The following STRN variants were observed in gnomAD, a reference collection of about 807,000 sequenced individuals.
STRN encodes striatin.
Under a neutral mutation model 96.3 loss-of-function variants are expected in STRN, and 53 were observed. The observed-to-expected ratio is 0.55, with a 90% CI of 0.44 to 0.69. STRN has a LOEUF of 0.69. Among genes scored for constraint, STRN ranks in the 30% least tolerant of loss-of-function variants. The pLI is 0.00. For missense variants in STRN, 987 were observed against 963.9 expected (o/e 1.02, Z -0.32); for synonymous variants, 428 against 355.9 (o/e 1.20, Z -2.28).
chr2:36,916,246 GAAC>G, intron 2 of STRN, 95 bp from the exon 3 acceptor site: 1 of 1,041,604 alleles, frequency 9.6e-7, no homozygotes, highest in South Asian at 1.4e-5. Flanking sequence ...AGTCCTGGCT[GAAC>G]ACTCCTAGAA....
chr2:36,894,168 C>T, intron 6 of STRN, 135 bp from the exon 7 acceptor site: 1 of 997,516 alleles, frequency 1.0e-6, no homozygotes, highest in Non-Finnish European at 1.4e-6. Context: ...CAGTGAAAAT[C>T]ACATAGTTTT....
intron 3 of STRN, among the ~76,000 whole-genome samples, chr2:36,912,410 T>C (rs1669986414): frequency 6.6e-6 from 1 of 152,220 alleles, no homozygotes; most frequent in African/African-American, 2.4e-5. Flanking sequence ...CAGTGTCCCA[T>C]GTGTCACAAA....
chr2:36,927,523 A>AGGG, intron 1 of STRN, among the ~76,000 whole-genome samples: 1 of 69,938 alleles, frequency 1.4e-5, no homozygotes, highest in Admixed American at 1.5e-4. Context: ...AAACAAAAAA[A>AGGG]AGGGGGGGGG....
intron 10 of STRN, among the ~76,000 whole-genome samples, chr2:36,871,403 C>T (rs1259431974): frequency 2.6e-5 from 4 of 152,148 alleles, no homozygotes; most frequent in African/African-American, 7.2e-5. Context: ...TAGATACTTA[C>T]CATTGTGTTA....
intron 13 of STRN, among the ~76,000 whole-genome samples, chr2:36,859,423 A>G (rs1220537139): frequency 6.6e-6 from 1 of 152,246 alleles, no homozygotes; most frequent in Non-Finnish European, 1.5e-5. Context: ...ACAGTGTGAC[A>G]GAACAGGGAA....
In STRN at chr2:36,941,586, G is replaced by A. The variant is rs148210960; in HGVS notation, c.235-16378C>T. ...TTTTTTGAGATGGAGTCTAATTCTT[G>A]TCACTCAGGCTGGAGTGCAATGGCA... is the stretch of plus-strand genomic sequence containing the variant. On this transcript the variant is annotated intron_variant, in intron 1 of 17. Coordinates refer to ENST00000263918, the MANE Select transcript of STRN (RefSeq NM_003162.4). 3.2e-3 allele frequency among the ~76,000 whole-genome samples: 477 copies of A among 148,360 alleles called. 5 individuals carry two copies. The highest frequency in any genetic ancestry group is 0.011 in the African/African-American group (444 of 40,226).
chr2:36,937,251 G>T (rs539827820), intron 1 of STRN, among the ~76,000 whole-genome samples: 3 of 151,128 alleles, frequency 2.0e-5, no homozygotes, highest in African/African-American at 7.3e-5. Context: ...AGCTGAGGCA[G>T]GAGAATCGCA....
chr2:36,886,681 A>G, intron 8 of STRN, 35 bp downstream of exon 8: 1 of 1,529,666 alleles, frequency 6.5e-7, no homozygotes, highest in Non-Finnish European at 8.9e-7. Flanking sequence ...AAGAGGCAAG[A>G]TTTATGATTT....
At chr2:36,909,844 A>G (rs923772428) in intron 3 of STRN, among the ~76,000 whole-genome samples, 1 of 152,168 alleles carries the variant, frequency 6.6e-6, no homozygotes. Flanking sequence ...GCAACAGGAG[A>G]TATCTCATCA....
chr2:36,926,864 A>G (rs1670423667), intron 1 of STRN, among the ~76,000 whole-genome samples: 1 of 152,240 alleles, frequency 6.6e-6, no homozygotes. Flanking sequence ...TAACCAGAAT[A>G]GTAATGACAC....
intron 1 of STRN, among the ~76,000 whole-genome samples, chr2:36,928,810 G>A (rs1384101449): frequency 1.3e-5 from 2 of 151,086 alleles, no homozygotes; most frequent in African/African-American, 2.4e-5. Flanking sequence ...TTAGCCGGGC[G>A]TGGTGGCAGG....
At chr2:36,958,277 G>A (rs1316928663) in intron 1 of STRN, among the ~76,000 whole-genome samples, 2 of 151,982 alleles carry the variant, frequency 1.3e-5, no homozygotes, top group Non-Finnish European at 2.9e-5. Flanking sequence ...AAGGATACAA[G>A]GGAACACGTC....
chr2:36,850,481 A>G (rs896633978), intron 16 of STRN, among the ~76,000 whole-genome samples: 1 of 152,232 alleles, frequency 6.6e-6, no homozygotes, highest in African/African-American at 2.4e-5. Flanking sequence ...CAGTTTTATA[A>G]TACAGAAAAG....
In STRN at chr2:36,877,922, A is replaced by G; in HGVS notation, c.1292T>C (p.Val431Ala). 6.2e-7 allele frequency: 1 copy of G among 1,614,196 alleles called. No homozygotes were observed. The highest frequency in any genetic ancestry group is 8.5e-7 in the Non-Finnish European group (1 of 1,180,018). Residue 431 changes from valine to alanine, a missense_variant, in exon 10 of 18, where the codon GTG becomes GCG. By Grantham distance (64) the Val-to-Ala change is moderately conservative (BLOSUM62 0). Transcript: ENST00000263918. The part of the protein sequence containing the change: ...LGLGELAGLT[V>A]ANEADSLTYD... The stretch of plus-strand genomic sequence containing the variant: ...AGTTAGTGAGTCTGCTTCATTGGCC[A>G]CCGTAAGGCCTGCTAGTTCTCCAAG...
chr2:36,851,774 C>T (rs539124233), intron 15 of STRN, among the ~76,000 whole-genome samples: 2 of 152,326 alleles, frequency 1.3e-5, no homozygotes, highest in African/African-American at 4.8e-5. Context: ...TAAATCTCAG[C>T]TCTTTTTGCA....
chr2:36,865,605 A>G (rs1453292014), intron 12 of STRN, among the ~76,000 whole-genome samples: 1 of 152,094 alleles, frequency 6.6e-6, no homozygotes, highest in African/African-American at 2.4e-5. Context: ...TCTGTCGCCC[A>G]GGTTGGAGTG....
At chr2:36,948,119 T>G (rs983511287) in intron 1 of STRN, among the ~76,000 whole-genome samples, 1 of 94,222 alleles carries the variant, frequency 1.1e-5, no homozygotes, top group African/African-American at 4.1e-5. Flanking sequence ...TTTTTTTTTT[T>G]GTGACAGAGT....
intron 1 of STRN, among the ~76,000 whole-genome samples, chr2:36,946,835 T>C (rs1572694516): frequency 1.3e-5 from 2 of 152,230 alleles, no homozygotes; most frequent in Admixed American, 1.3e-4. Context: ...AAGTTGATAG[T>C]TTCTAGTCAA....
At chr2:36,861,285 A>G (rs372987148) in intron 12 of STRN, 32 bp from the exon 13 acceptor site, 47 of 1,603,378 alleles carry the variant, frequency 2.9e-5, no homozygotes, top group Non-Finnish European at 3.4e-6. Flanking sequence ...ATCAACTGCT[A>G]TTCTCAAAAA....
Sources: allele counts gnomAD v4.1 joint callset (sites outside exome capture counted in the v4.1 genomes callset), GRCh38; gene constraint gnomAD v4.1.1; transcripts MANE v1.5; gene names NCBI Gene and HGNC (gene_info 2026-07-23, HGNC 2026-07-21).